Variants in TNS3 observed in about 807,000 individuals in gnomAD.
TNS3 encodes tensin-3.
In TNS3, 45 loss-of-function variants were observed where a neutral mutation model predicts 140.9. The ratio of observed to expected loss-of-function variants is 0.32; its 90% CI spans 0.25 to 0.41. The LOEUF is 0.41. TNS3 is among the 10% of genes least tolerant of loss of function. The pLI is 1.00. For missense variants in TNS3, 1,716 were observed against 1,906.7 expected, an observed-to-expected ratio of 0.90 and a Z score of 1.86; for synonymous variants, 815 against 788.4, an observed-to-expected ratio of 1.03 and a Z score of -0.56.
chr7:47,368,816 C>T lies in TNS3; in HGVS notation c.1830G>A (p.Arg610=). The change falls in exon 17 of 31, where the codon CGG becomes CGA. Residue 610 remains arginine, a synonymous_variant. Coordinates refer to ENST00000311160, the MANE Select transcript of TNS3 (RefSeq NM_022748.12). ...TGTCTGCAGGGCAGCGGCTCACCAG[C>T]CGGGCCTCCCCATCTGGGGCGAAGC... ...QYSFAPDGEA[R]LVSRCPADNP... 1 of 1,611,642 alleles carries T rather than the reference C, an allele frequency of 6.2e-7. No homozygotes were observed. Among genetic ancestry groups the T allele is most frequent in the African/African-American group, 1.3e-5 (1 of 75,052 alleles).
At chr7:47,399,412 G>A (rs562941664) in intron 15 of TNS3, among the ~76,000 whole-genome samples, 1 of 152,108 alleles carries the variant, frequency 6.6e-6, no homozygotes, top group South Asian at 2.1e-4. Flanking sequence ...TGGAGGCATC[G>A]CACTATTGGA....
chr7:47,366,802 A>G (rs992162176), intron 17 of TNS3, among the ~76,000 whole-genome samples: 4 of 152,226 alleles, frequency 2.6e-5, no homozygotes, highest in African/African-American at 9.6e-5. Flanking sequence ...TGGTGCCTGC[A>G]GCCGGGGTGC....
intron 13 of TNS3, among the ~76,000 whole-genome samples, chr7:47,404,498 T>G (rs1793333715): frequency 6.6e-6 from 1 of 152,190 alleles, no homozygotes; most frequent in African/African-American, 2.4e-5. Context: ...ATGATCTCAA[T>G]GGGAAGGCCT....
chr7:47,452,184 A>AG (rs1562760400), intron 4 of TNS3, among the ~76,000 whole-genome samples: 1 of 152,206 alleles, frequency 6.6e-6, no homozygotes, highest in Non-Finnish European at 1.5e-5. Context: ...CTTTATCCAC[A>AG]AGTTATTAGG....
intron 20 of TNS3, among the ~76,000 whole-genome samples, chr7:47,310,447 G>A (rs1787023569): frequency 6.6e-6 from 1 of 152,078 alleles, no homozygotes; most frequent in Admixed American, 6.5e-5. Flanking sequence ...TGATTAGGCA[G>A]CCTGGAAGAA....
Position 47,368,470 on chromosome 7 carries a change from G to C in TNS3, c.2176C>G (p.Gln726Glu), listed in dbSNP as rs1240820882. 1.9e-6 allele frequency: 3 copies of C among 1,589,894 alleles called. No homozygotes were observed. Among genetic ancestry groups the C allele is most frequent in the South Asian group, 1.1e-5 (1 of 89,046 alleles). The change falls in exon 17 of 31, where the codon CAG (glutamine) becomes GAG (glutamate). Residue 726 changes from glutamine (Q) to glutamate (E), a missense_variant. Gln to Glu is a conservative substitution (Grantham distance 29). Around this residue, in one of 3 missense-constraint regions of TNS3, gnomAD observed 1,163 missense variants for 1,182.1 expected, o/e 0.98. Coordinates refer to ENST00000311160, the MANE Select transcript of TNS3 (RefSeq NM_022748.12). ...TCTGGAGACACAGAGCCATTGGCCT[G>C]GCTACCGAGGGCGTTCATGTGGGTA... ...IPTHMNALGS[Q>E]ANGSVSPDSV...
At chr7:47,295,826 G>A (rs1344206485) in intron 24 of TNS3, among the ~76,000 whole-genome samples, 1 of 152,218 alleles carries the variant, frequency 6.6e-6, no homozygotes, top group Non-Finnish European at 1.5e-5. Flanking sequence ...TCCACAGGGT[G>A]TAACTCCAAG....
intron 14 of TNS3, 132 bp downstream of exon 14, chr7:47,400,653 C>A: frequency 6.8e-7 from 1 of 1,464,102 alleles, no homozygotes; most frequent in Non-Finnish European, 9.3e-7. Flanking sequence ...TGATCATTTT[C>A]TCCTACTTTG....
At chr7:47,311,399 AGTGT>A (rs10617598) in intron 20 of TNS3, among the ~76,000 whole-genome samples, 17,699 of 147,312 alleles carry the variant, frequency 0.12, 1,125 homozygotes, top group Middle Eastern at 0.16. Flanking sequence ...GAACTTAAAG[AGTGT>A]GTGTGTGTGT....
chr7:47,303,306 T>C lies in TNS3; in HGVS notation c.3101A>G (p.Glu1034Gly), dbSNP rs1329112718. The change falls in exon 22 of 31, where the codon GAG (glutamate) becomes GGG (glycine). Residue 1034 changes from glutamate (E) to glycine (G), a missense_variant. Physicochemically the swap from Glu to Gly is moderately conservative, Grantham distance 98. This residue lies in a region of TNS3 where 1,163 missense variants were observed against 1,182.1 expected (regional missense o/e 0.98). Transcript: ENST00000311160. ...TAPVGSGLPPEEDLGALLANS... is the reference protein window; with the variant it reads ...TAPVGSGLPPGEDLGALLANS... ...GGCCAGCAAGGCCCCCAGGTCCTCCTCGGGCGGAAGGCCACTTCCCACTGG... is the reference window on the plus strand; with the variant it reads ...GGCCAGCAAGGCCCCCAGGTCCTCCCCGGGCGGAAGGCCACTTCCCACTGG... 1 of 1,613,508 alleles carries C rather than the reference T, an allele frequency of 6.2e-7. No individual in the cohort carries two copies. Among genetic ancestry groups the C allele is most frequent in the Non-Finnish European group, 8.5e-7 (1 of 1,179,836 alleles).
Position 47,490,829 on chromosome 7 carries a change from T to C in TNS3, c.-114-9688A>G, listed in dbSNP as rs1332570838. ...GCTTGTTGGTTTCAGCCACTGAGTG[T>C]ACAGGGGATTTGTTAGGCAACAACA... On this transcript the variant is annotated intron_variant, in intron 3 of 30. Coordinates refer to ENST00000311160, the MANE Select transcript of TNS3 (RefSeq NM_022748.12). Among the ~76,000 whole-genome samples, 2 of 152,186 alleles carry C rather than the reference T, an allele frequency of 1.3e-5. 1 individual carries two copies. The highest frequency in any genetic ancestry group is 4.1e-4 in the South Asian group (2 of 4,824).
intron 23 of TNS3, among the ~76,000 whole-genome samples, chr7:47,297,819 G>A (rs1056488628): frequency 1.4e-5 from 2 of 141,998 alleles, no homozygotes; most frequent in Non-Finnish European, 3.0e-5. Context: ...ATGGAGTCTC[G>A]CTCTGTTGCC....
chr7:47,564,656 A>AAAAAG (rs1800391681), intron 1 of TNS3, among the ~76,000 whole-genome samples: 1 of 148,924 alleles, frequency 6.7e-6, no homozygotes, highest in African/African-American at 2.5e-5. Flanking sequence ...AAAACAAAAA[A>AAAAAG]AAACAAAAAA....
chr7:47,441,177 T>C (rs58788947), intron 5 of TNS3, among the ~76,000 whole-genome samples: 8,324 of 152,196 alleles, frequency 0.055, 596 homozygotes, highest in African/African-American at 0.16. Flanking sequence ...TATTTTTATT[T>C]TTATTTATTT....
intron 20 of TNS3, among the ~76,000 whole-genome samples, chr7:47,335,563 G>A (rs547153915): frequency 6.6e-6 from 1 of 152,264 alleles, no homozygotes; most frequent in South Asian, 2.1e-4. Flanking sequence ...GGATTCCCAG[G>A]GCTCAGCCAC....
chr7:47,297,027 A>T, intron 24 of TNS3, 55 bp downstream of exon 24: 1 of 1,574,880 alleles, frequency 6.3e-7, no homozygotes, highest in Non-Finnish European at 8.6e-7. Flanking sequence ...AAAATAAACC[A>T]ACAGAGTTTC....
At chr7:47,345,871 T>C (rs1314953595) in intron 18 of TNS3, among the ~76,000 whole-genome samples, 2 of 152,232 alleles carry the variant, frequency 1.3e-5, no homozygotes, top group African/African-American at 4.8e-5. Context: ...CCACATGCTG[T>C]GCTCCTTGTG....
intron 4 of TNS3, among the ~76,000 whole-genome samples, chr7:47,452,650 A>G (rs1796067521): frequency 6.6e-6 from 1 of 152,214 alleles, no homozygotes; most frequent in Admixed American, 6.5e-5. Context: ...ACACTCAGGG[A>G]GGACACAGAG....
Position 47,301,195 on chromosome 7 carries a change from C to T in TNS3, c.3544+991G>A, listed in dbSNP as rs118173006. 8.1e-3 allele frequency among the ~76,000 whole-genome samples: 1,233 copies of T among 152,264 alleles called. 11 individuals carry two copies. The highest frequency in any genetic ancestry group is 0.014 in the Middle Eastern group (4 of 294). On this transcript the variant is annotated intron_variant, in intron 23 of 30. Coordinates refer to ENST00000311160, the MANE Select transcript of TNS3 (RefSeq NM_022748.12). ...CTGCGGGCAGCTTGTCATTTCTCAC[C>T]GCTTTAAACCAACCCATTCCCTCTT...
Sources: gnomAD v4.1 joint callset for allele counts (sites outside exome capture counted in the v4.1 genomes callset) on GRCh38, gnomAD v4.1.1 for gene constraint, gnomAD v4.1.1 regional missense constraint, MANE v1.5 for transcripts, NCBI Gene and HGNC (gene_info 2026-07-23, HGNC 2026-07-21) for gene names.